The following TTC6 variants were observed in gnomAD, a reference collection of about 807,000 sequenced individuals.
The protein encoded by TTC6 is tetratricopeptide repeat protein 6.
A neutral mutation model predicts 210.4 loss-of-function variants in TTC6; 172 were observed. That is an observed-to-expected ratio of 0.82 (90% CI 0.72 to 0.93). The LOEUF is 0.93. Ranked by LOEUF, TTC6 falls within the 40% of genes least tolerant of loss-of-function variation. The probability of loss-of-function intolerance (pLI) is 0.00; values close to 1 mark genes in which losing one functional copy is unlikely to be tolerated. For missense variants in TTC6, 2,414 were observed against 2,318.1 expected (o/e 1.04, Z -0.85); for synonymous variants, 804 against 819.6 (o/e 0.98, Z 0.32).
In TTC6 at chr14:37,668,929, G is replaced by C. The variant is rs1378739743; in HGVS notation, c.940-11222G>C. Among the ~76,000 whole-genome samples, 6 of 152,250 alleles carry C rather than the reference G, an allele frequency of 3.9e-5. No individual in the cohort carries two copies. The South Asian group carries it at 1.2e-3, about 32-fold the overall frequency. On this transcript the variant is annotated intron_variant, in intron 1 of 30. Transcript: ENST00000553443. ...GTGATGTCTCTTGCTTCTTGGTTCT[G>C]TGACTTCTTTGGTCCTTCCCTCACT...
chr14:37,766,234 T>C (rs1306999284), intron 14 of TTC6, among the ~76,000 whole-genome samples: 1 of 152,180 alleles, frequency 6.6e-6, no homozygotes, highest in African/African-American at 2.4e-5. Flanking sequence ...TATTTTAGGT[T>C]CAGAGGTACA....
chr14:37,826,493 T>A, intron 28 of TTC6, 146 bp downstream of exon 30: 1 of 770,168 alleles, frequency 1.3e-6, no homozygotes, highest in Non-Finnish European at 1.9e-6. Context: ...AAGTGATCCC[T>A]AGGGTAAAGA....
At chr14:37,608,445 G>T (rs1470667431) in intron 2 of TTC6, among the ~76,000 whole-genome samples, 1 of 151,992 alleles carries the variant, frequency 6.6e-6, no homozygotes, top group East Asian at 1.9e-4. Flanking sequence ...GAGTAGCTGA[G>T]ACTATAGGTT....
rs574580107 is a variant in TTC6 at position 37,627,163 on chromosome 14, A to G, written c.939+4160A>G. ...GCCTGCTCCCACTTTGCCTTCCACT[A>G]TGATTTTTAGCTTCCTGAGGCCTCC... is the stretch of plus-strand genomic sequence containing the variant. On this transcript the variant is annotated intron_variant, in intron 1 of 30. Coordinates refer to ENST00000553443, the Ensembl canonical transcript of TTC6. Among the ~76,000 whole-genome samples the G allele has an allele frequency of 1.4e-4, 21 of 152,088 alleles. No homozygotes were observed. In the East Asian group the frequency reaches 2.5e-3, roughly 18 times the overall value.
chr14:37,751,904 A>G (rs992457089), intron 13 of TTC6, among the ~76,000 whole-genome samples: 3 of 149,052 alleles, frequency 2.0e-5, no homozygotes, highest in Non-Finnish European at 4.4e-5. Context: ...GCTCACTGCA[A>G]GCTCTGCCTC....
intron 14 of TTC6, among the ~76,000 whole-genome samples, chr14:37,767,644 GTTGT>G (rs1376592013): frequency 6.6e-6 from 1 of 152,080 alleles, no homozygotes; most frequent in African/African-American, 2.4e-5. Flanking sequence ...TTTTAATGGG[GTTGT>G]TTGTTTTTTT....
At chr14:37,766,419 T>C (rs530461147) in intron 14 of TTC6, among the ~76,000 whole-genome samples, 1 of 152,336 alleles carries the variant, frequency 6.6e-6, no homozygotes, top group South Asian at 2.1e-4. Context: ...TGTCCATGTG[T>C]TCTCAATATC....
chr14:37,781,045 C>T (rs981199663), intron 14 of TTC6, among the ~76,000 whole-genome samples: 1 of 152,132 alleles, frequency 6.6e-6, no homozygotes, highest in African/African-American at 2.4e-5. Flanking sequence ...ACATTTGAGT[C>T]AGTTCCAAGT....
chr14:37,817,609 C>T (rs750102996), exon 26 of TTC6: 1 of 1,613,884 alleles, frequency 6.2e-7, no homozygotes, highest in African/African-American at 1.3e-5. Flanking sequence ...ATAAGCCGGA[C>T]TAACGGGAGC....
chr14:37,729,101 T>A (rs1428138550), intron 7 of TTC6, among the ~76,000 whole-genome samples: 1 of 152,244 alleles, frequency 6.6e-6, no homozygotes, highest in Non-Finnish European at 1.5e-5. Flanking sequence ...TTTGCACACA[T>A]ATGTGTATTT....
chr14:37,821,899 G>A (rs915140947), intron 26 of TTC6, among the ~76,000 whole-genome samples: 3 of 146,106 alleles, frequency 2.1e-5, no homozygotes, highest in Non-Finnish European at 4.5e-5. Flanking sequence ...TCCTGTCTTA[G>A]CCTCCCGAGT....
At position 37,776,480 on chromosome 14, in the gene TTC6, C is replaced by A. The variant is rs139665205; in HGVS notation, c.3267-10988C>A. 1.4e-3 allele frequency among the ~76,000 whole-genome samples: 214 copies of A among 152,134 alleles called. 1 individual carries two copies. The highest frequency in any genetic ancestry group is 0.01 in the Middle Eastern group (3 of 292). ...TCTTTCCTTTCCATATTTAGCATTCCCTTCAGGACCTCTTTCTTGTAAGGC... is the reference window on the plus strand; with the variant it reads ...TCTTTCCTTTCCATATTTAGCATTCACTTCAGGACCTCTTTCTTGTAAGGC... On this transcript the variant is annotated intron_variant, in intron 14 of 30. Transcript: ENST00000553443.
At chr14:37,650,985 T>C (rs1285888815) in intron 1 of TTC6, among the ~76,000 whole-genome samples, 1 of 152,190 alleles carries the variant, frequency 6.6e-6, no homozygotes, top group Admixed American at 6.5e-5. Flanking sequence ...GTTTGAGAAC[T>C]GGTTGGGCAG....
intron 8 of TTC6, among the ~76,000 whole-genome samples, chr14:37,736,609 ATGAAGCAGAGTAAGAC>A (rs1330286774): frequency 1.3e-5 from 2 of 152,326 alleles, no homozygotes; most frequent in East Asian, 3.9e-4. Flanking sequence ...AACTGTGGCC[ATGAAGCAGAGTAAGAC>A]TGATTGCTTT....
intron 20 of TTC6, chr14:37,802,405 A>T (rs1253862151): frequency 6.6e-5 from 10 of 152,096 alleles, no homozygotes; most frequent in Admixed American, 5.9e-4. Flanking sequence ...TAAAATAAAA[A>T]AAAAATGAAA....
At chr14:37,823,395 G>T (rs780421214) in intron 26 of TTC6, among the ~76,000 whole-genome samples, 1 of 152,098 alleles carries the variant, frequency 6.6e-6, no homozygotes, top group African/African-American at 2.4e-5. Context: ...TTCATCAATA[G>T]TAGCATATGT....
At chr14:37,836,848 G>T (rs1179659661) in intron 29 of TTC6, among the ~76,000 whole-genome samples, 2 of 152,050 alleles carry the variant, frequency 1.3e-5, no homozygotes, top group African/African-American at 4.8e-5. Flanking sequence ...AAACTCTAGA[G>T]GGTTAAAAAA....
chr14:37,831,376 G>T (rs969602951), intron 29 of TTC6, among the ~76,000 whole-genome samples: 1 of 152,032 alleles, frequency 6.6e-6, no homozygotes, highest in Non-Finnish European at 1.5e-5. Context: ...GAATAGTTCT[G>T]GGCAAACCTG....
chr14:37,814,896 G>A (rs1595304230), intron 25 of TTC6, among the ~76,000 whole-genome samples: 1 of 152,142 alleles, frequency 6.6e-6, no homozygotes, highest in South Asian at 2.1e-4. Context: ...GATTAACAGA[G>A]AAGCTGACTA....
Sources: gnomAD v4.1 joint callset for allele counts (sites outside exome capture counted in the v4.1 genomes callset) on GRCh38, gnomAD v4.1.1 for gene constraint, MANE v1.5 for transcripts, NCBI Gene and HGNC (gene_info 2026-07-23, HGNC 2026-07-21) for gene names.